MELK: variants seen among roughly 807,000 people sequenced by gnomAD.
MELK encodes maternal embryonic leucine zipper kinase.
In MELK, 81 loss-of-function variants were observed where a neutral mutation model predicts 85.0. That is an observed-to-expected ratio of 0.95 (90% CI 0.80 to 1.15). The LOEUF (loss-of-function observed/expected upper bound fraction) is 1.15. Ranked by LOEUF, MELK falls within the 50% of genes most tolerant of loss-of-function variation. The probability of loss-of-function intolerance (pLI) is 0.00; values close to 1 mark genes in which losing one functional copy is unlikely to be tolerated. For synonymous variants in MELK, 252 were observed against 265.0 expected (o/e 0.95, Z 0.48); for missense variants, 754 against 777.5 (o/e 0.97, Z 0.36).
At chr9:36,597,127 A>G (rs1824370478) in intron 5 of MELK, 95 bp from the exon 6 acceptor site, 2 of 996,748 alleles carry the variant, frequency 2.0e-6, no homozygotes, top group South Asian at 1.5e-5. Context: ...ATGAGCTGCC[A>G]CACCTGGCCT....
intron 5 of MELK, among the ~76,000 whole-genome samples, chr9:36,595,969 C>T (rs1824177498): frequency 6.6e-6 from 1 of 152,038 alleles, no homozygotes; most frequent in Non-Finnish European, 1.5e-5. Context: ...GTGCCTGCCA[C>T]CACTCTCGGC....
At chr9:36,575,275 G>A (rs568029626) in intron 1 of MELK, among the ~76,000 whole-genome samples, 4 of 152,290 alleles carry the variant, frequency 2.6e-5, no homozygotes, top group Admixed American at 6.5e-5. Flanking sequence ...TGTCTTCCGC[G>A]TTGACTGATA....
chr9:36,610,317 T>A (rs1392131297), intron 8 of MELK, among the ~76,000 whole-genome samples: 1 of 152,182 alleles, frequency 6.6e-6, no homozygotes, highest in Admixed American at 6.5e-5. Flanking sequence ...TGACTTATAG[T>A]TTTTCCTATA....
chr9:36,673,122 G>A (rs1041982867), intron 16 of MELK, among the ~76,000 whole-genome samples: 6 of 152,140 alleles, frequency 3.9e-5, no homozygotes, highest in Non-Finnish European at 8.8e-5. Context: ...CAAAATTTAA[G>A]TAGATAAATT....
chr9:36,610,260 T>C (rs1825953122), intron 8 of MELK, among the ~76,000 whole-genome samples: 2 of 152,250 alleles, frequency 1.3e-5, no homozygotes, highest in Admixed American at 1.3e-4. Flanking sequence ...GCCCACTCCA[T>C]AGAACACCAA....
At chr9:36,610,937 C>T (rs1179702382) in intron 8 of MELK, among the ~76,000 whole-genome samples, 3 of 151,892 alleles carry the variant, frequency 2.0e-5, no homozygotes, top group African/African-American at 4.8e-5. Flanking sequence ...GTTGAGTATC[C>T]CTAATCTGAA....
At position 36,671,070 on chromosome 9, in the gene MELK, G is replaced by A. The variant is rs375455193; in HGVS notation, c.1578G>A (p.Val526=). 15 of 1,613,384 alleles carry A rather than the reference G, an allele frequency of 9.3e-6. No homozygotes were observed. In the African/African-American group the frequency reaches 1.9e-4, roughly 20 times the overall value. ...CTCCAAAAAGAAAGGGAGCCAAAGTGTTTGGGAGCCTTGAAAGGGGGTTGG... is the reference window on the plus strand; with the variant it reads ...CTCCAAAAAGAAAGGGAGCCAAAGTATTTGGGAGCCTTGAAAGGGGGTTGG... The part of the protein sequence containing the change: ...EETPKRKGAK[V]FGSLERGLDK... The change falls in exon 16 of 18, where the codon GTG becomes GTA. Residue 526 remains valine (V), a synonymous_variant. Transcript: ENST00000298048.
At chr9:36,630,399 T>C in intron 9 of MELK, 32 bp downstream of exon 9, 1 of 1,530,204 alleles carries the variant, frequency 6.5e-7, no homozygotes, top group Non-Finnish European at 9.0e-7. Context: ...TAGAAGTCTA[T>C]TGTAATTGTT....
intron 8 of MELK, among the ~76,000 whole-genome samples, chr9:36,628,892 C>G (rs193092341): frequency 6.6e-4 from 83 of 126,490 alleles, no homozygotes; most frequent in South Asian, 2.4e-3. Context: ...GAGACGGAGT[C>G]TCGTTCTGTC....
At chr9:36,588,570 G>A (rs188093412) in intron 3 of MELK, among the ~76,000 whole-genome samples, 33 of 151,800 alleles carry the variant, frequency 2.2e-4, no homozygotes, top group African/African-American at 8.0e-4. Context: ...GTAGAGATGG[G>A]GTTTCTCCAT....
chr9:36,645,034 C>T (rs531787448), intron 11 of MELK, among the ~76,000 whole-genome samples: 3 of 151,548 alleles, frequency 2.0e-5, no homozygotes, highest in African/African-American at 2.4e-5. Context: ...TTTGGGAGTC[C>T]GAGGCGGGCG....
At chr9:36,580,642 T>G (rs1822137108) in intron 1 of MELK, among the ~76,000 whole-genome samples, 1 of 151,498 alleles carries the variant, frequency 6.6e-6, no homozygotes, top group Non-Finnish European at 1.5e-5. Context: ...TTTAAATTAT[T>G]TTTTCTTCAG....
intron 7 of MELK, among the ~76,000 whole-genome samples, chr9:36,601,135 C>G (rs1383507558): frequency 6.6e-6 from 1 of 152,034 alleles, no homozygotes; most frequent in East Asian, 1.9e-4. Flanking sequence ...TATAACCACA[C>G]TTTAGTATCA....
chr9:36,599,354 G>T (rs1345246361), intron 6 of MELK, 40 bp from the exon 7 acceptor site: 1 of 1,191,182 alleles, frequency 8.4e-7, no homozygotes, highest in Admixed American at 2.0e-5. Flanking sequence ...ATTCTCTTAA[G>T]CGTTGTAATT....
intron 8 of MELK, among the ~76,000 whole-genome samples, chr9:36,608,298 A>C (rs1028952642): frequency 6.7e-6 from 1 of 150,312 alleles, no homozygotes; most frequent in Non-Finnish European, 1.5e-5. Context: ...AAAAAAAAAA[A>C]AAAAAGGCAC....
chr9:36,659,102 C>T (rs1227252876), intron 13 of MELK, among the ~76,000 whole-genome samples: 1 of 151,980 alleles, frequency 6.6e-6, no homozygotes, highest in African/African-American at 2.4e-5. Context: ...AGGATGGTCT[C>T]GATCTCCTGA....
chr9:36,626,232 A>G (rs921141483), intron 8 of MELK, among the ~76,000 whole-genome samples: 2 of 152,170 alleles, frequency 1.3e-5, no homozygotes, highest in African/African-American at 4.8e-5. Flanking sequence ...AAGCATGACA[A>G]GATAACGAAG....
At chr9:36,609,588 C>T (rs1402781082) in intron 8 of MELK, among the ~76,000 whole-genome samples, 1 of 151,946 alleles carries the variant, frequency 6.6e-6, no homozygotes, top group Non-Finnish European at 1.5e-5. Context: ...GCTGGGACCA[C>T]AGGCACTGCA....
intron 7 of MELK, among the ~76,000 whole-genome samples, chr9:36,604,604 T>C (rs1252745476): frequency 2.0e-5 from 3 of 151,898 alleles, no homozygotes; most frequent in African/African-American, 7.3e-5. Context: ...CCGCCCACCT[T>C]GGCCTCCCAA....
Sources: gnomAD v4.1 joint callset for allele counts (sites outside exome capture counted in the v4.1 genomes callset) on GRCh38, gnomAD v4.1.1 for gene constraint, MANE v1.5 for transcripts, NCBI Gene and HGNC (gene_info 2026-07-23, HGNC 2026-07-21) for gene names.